The following ADAM10 variants were observed in gnomAD, a reference collection of about 807,000 sequenced individuals.
ADAM10 encodes ADAM metallopeptidase domain 10.
A neutral mutation model predicts 90.1 loss-of-function variants in ADAM10; 17 were observed. The observed-to-expected ratio is 0.19, with a 90% confidence interval of 0.13 to 0.28. The LOEUF (loss-of-function observed/expected upper bound fraction) is 0.28, where lower values mean the gene tolerates loss of function less well. Among genes scored for constraint, ADAM10 ranks in the 10% least tolerant of loss-of-function variants. The pLI is 1.00. For synonymous variants in ADAM10, 310 were observed against 298.6 expected (o/e 1.04, Z -0.40); for missense variants, 610 against 914.3 (o/e 0.67, Z 4.29).
In ADAM10 at chr15:58,593,002, A is replaced by C. The variant is rs1651914138; in HGVS notation, c.*4545T>G. 6.6e-6 allele frequency: 1 copy of C among 150,488 alleles called. No individual in the cohort carries two copies. The highest frequency in any genetic ancestry group is 1.5e-5 in the Non-Finnish European group (1 of 67,656). 9.3% of individuals were successfully genotyped at this position (150,488 alleles called of 1,614,324 possible). On this transcript the variant is annotated 3_prime_UTR_variant, in exon 16 of 16. Coordinates refer to ENST00000260408, the MANE Select transcript of ADAM10 (RefSeq NM_001110.4). Reference sequence around the variant, plus strand: ...ATGGGAAATTGGTTAAGAAAAAAAAAAACATACATCCACAGAAATATTTAG... The same window carrying C: ...ATGGGAAATTGGTTAAGAAAAAAAACAACATACATCCACAGAAATATTTAG...
chr15:58,625,142 TA>T (rs1253177878), intron 10 of ADAM10, among the ~76,000 whole-genome samples: 2 of 151,982 alleles, frequency 1.3e-5, no homozygotes, highest in Non-Finnish European at 2.9e-5. Flanking sequence ...ATCAATACAA[TA>T]AAAAACTGAT....
At chr15:58,635,148 G>A (rs1488966753) in intron 8 of ADAM10, among the ~76,000 whole-genome samples, 1 of 151,696 alleles carries the variant, frequency 6.6e-6, no homozygotes, top group African/African-American at 2.4e-5. Flanking sequence ...GGTGGCAGGT[G>A]CCTGTAGCCC....
At chr15:58,674,143 C>T (rs1357361059) in intron 4 of ADAM10, among the ~76,000 whole-genome samples, 1 of 152,084 alleles carries the variant, frequency 6.6e-6, no homozygotes, top group Non-Finnish European at 1.5e-5. Flanking sequence ...CTCAACTTTT[C>T]GGCTTCTGTG....
At chr15:58,720,160 C>T (rs543111833) in intron 1 of ADAM10, among the ~76,000 whole-genome samples, 21 of 152,244 alleles carry the variant, frequency 1.4e-4, no homozygotes, top group African/African-American at 4.8e-4. Context: ...ACAATGCCTA[C>T]CTTAAATGCA....
chr15:58,693,081 G>C, intron 2 of ADAM10: 1 of 746,506 alleles, frequency 1.3e-6, no homozygotes, highest in Non-Finnish European at 2.5e-6. Flanking sequence ...ACTCCTGAAG[G>C]AAAATCTCCT....
chr15:58,730,329 C>A (rs1448022346), intron 1 of ADAM10, among the ~76,000 whole-genome samples: 2 of 152,204 alleles, frequency 1.3e-5, no homozygotes, highest in African/African-American at 4.8e-5. Flanking sequence ...ACCCAAAGGC[C>A]AGTTCCAGCT....
At chr15:58,625,644 C>T (rs1566971602) in intron 10 of ADAM10, among the ~76,000 whole-genome samples, 1 of 152,086 alleles carries the variant, frequency 6.6e-6, no homozygotes, top group Non-Finnish European at 1.5e-5. Flanking sequence ...TCCATCAATT[C>T]GATTTGGGAG....
At chr15:58,674,487 G>T (rs1341228030) in intron 4 of ADAM10, among the ~76,000 whole-genome samples, 1 of 152,172 alleles carries the variant, frequency 6.6e-6, no homozygotes, top group East Asian at 1.9e-4. Flanking sequence ...CTGGACCTAA[G>T]TATAGCCAGA....
rs1223183482 is a variant in ADAM10 at position 58,665,164 on chromosome 15, C to T, written c.518G>A (p.Cys173Tyr). The change falls in exon 5 of 16, where the codon TGT (cysteine) becomes TAT (tyrosine). Residue 173 changes from cysteine (C) to tyrosine (Y), a missense_variant. By Grantham distance (194) the Cys-to-Tyr change is radical. Transcript: ENST00000260408. Reference sequence around the variant, plus strand: ...TCTTTCAAATACTGAATGATCTGCACAGCCCCCCTGAGGACCGTATTTATG... The same window carrying T: ...TCTTTCAAATACTGAATGATCTGCATAGCCCCCCTGAGGACCGTATTTATG... ...YPHKYGPQGG[C>Y]ADHSVFERMR... 2 of 1,613,282 alleles carry T rather than the reference C, an allele frequency of 1.2e-6. No homozygotes were observed.
intron 1 of ADAM10, among the ~76,000 whole-genome samples, chr15:58,728,345 G>C (rs1183699182): frequency 6.6e-6 from 1 of 152,126 alleles, no homozygotes; most frequent in Non-Finnish European, 1.5e-5. Flanking sequence ...AGTTATACAA[G>C]TAAATATACT....
At chr15:58,699,830 G>A (rs1216553329) in intron 2 of ADAM10, among the ~76,000 whole-genome samples, 2 of 151,882 alleles carry the variant, frequency 1.3e-5, no homozygotes, top group Non-Finnish European at 2.9e-5. Context: ...TTAATAAAAT[G>A]GCAGGAATAA....
At chr15:58,605,422 T>C (rs1408153229) in intron 14 of ADAM10, among the ~76,000 whole-genome samples, 1 of 150,974 alleles carries the variant, frequency 6.6e-6, no homozygotes, top group Admixed American at 6.6e-5. Context: ...CTGAAAATAT[T>C]AGTAAGTACG....
intron 1 of ADAM10, 80 bp from the exon 2 acceptor site, chr15:58,717,807 A>G: frequency 6.5e-7 from 1 of 1,529,782 alleles, no homozygotes; most frequent in Non-Finnish European, 8.8e-7. Flanking sequence ...TCAAGTATCT[A>G]TGAATATGTA....
At chr15:58,692,329 G>T (rs1393877579) in intron 2 of ADAM10, 1 of 606,748 alleles carries the variant, frequency 1.6e-6, no homozygotes, top group African/African-American at 1.8e-5. Context: ...GATGTCATCA[G>T]GGTTTCTGGT....
chr15:58,681,704 A>G (rs185085963), intron 3 of ADAM10, among the ~76,000 whole-genome samples: 15 of 152,296 alleles, frequency 9.8e-5, no homozygotes, highest in African/African-American at 3.6e-4. Context: ...TGCATTTTCA[A>G]TTTGATGCAG....
At chr15:58,743,118 C>T (rs1368119067) in intron 1 of ADAM10, among the ~76,000 whole-genome samples, 1 of 152,082 alleles carries the variant, frequency 6.6e-6, no homozygotes, top group Non-Finnish European at 1.5e-5. Flanking sequence ...TCACATAGAG[C>T]TGCCCGTGTA....
chr15:58,748,991 G>C (rs1253684286), intron 1 of ADAM10: 3 of 399,212 alleles, frequency 7.5e-6, no homozygotes, highest in African/African-American at 2.1e-5. Context: ...CTGCGCGGCG[G>C]GTCTCGGCGG....
At chr15:58,636,783 T>A (rs1896267502) in intron 8 of ADAM10, among the ~76,000 whole-genome samples, 1 of 152,176 alleles carries the variant, frequency 6.6e-6, no homozygotes, top group African/African-American at 2.4e-5. Flanking sequence ...CTTGACATAT[T>A]CCATAAATAC....
intron 2 of ADAM10, among the ~76,000 whole-genome samples, chr15:58,701,014 C>CAAAAAAAAAA (rs1257060994): frequency 6.7e-5 from 3 of 44,882 alleles, no homozygotes; most frequent in Non-Finnish European, 1.2e-4. Flanking sequence ...TAAAAAAAAA[C>CAAAAAAAAAA]AAAAAAACAA....
Sources: allele counts gnomAD v4.1 joint callset (sites outside exome capture counted in the v4.1 genomes callset), GRCh38; gene constraint gnomAD v4.1.1; transcripts MANE v1.5; gene names NCBI Gene and HGNC (gene_info 2026-07-23, HGNC 2026-07-21).